Variants in PTPRD observed in about 807,000 individuals in gnomAD.
PTPRD encodes the protein receptor-type tyrosine-protein phosphatase delta.
Under a neutral mutation model 214.5 loss-of-function variants are expected in PTPRD, and 34 were observed. The observed-to-expected ratio is 0.16, with a 90% CI of 0.12 to 0.21. The LOEUF (loss-of-function observed/expected upper bound fraction) is 0.21. Ranked by LOEUF, PTPRD falls within the 10% of genes least tolerant of loss-of-function variation. PTPRD has a pLI of 1.00. For synonymous variants in PTPRD, 1,128 were observed against 845.7 expected (o/e 1.33, Z -5.79); for missense variants, 2,545 against 2,398.7 (o/e 1.06, Z -1.27).
chr9:8,936,467 TTCA>T (rs2098998743), intron 11 of PTPRD, among the ~76,000 whole-genome samples: 1 of 107,340 alleles, frequency 9.3e-6, no homozygotes, highest in Non-Finnish European at 2.1e-5. Flanking sequence ...GAAAAATAAC[TTCA>T]TCTAATTTTT....
chr9:9,946,491 G>C (rs372472019), intron 4 of PTPRD, among the ~76,000 whole-genome samples: 7 of 152,024 alleles, frequency 4.6e-5, no homozygotes, highest in African/African-American at 1.7e-4. Flanking sequence ...AAGAGTGCAG[G>C]GTTCAATAGC....
intron 9 of PTPRD, among the ~76,000 whole-genome samples, chr9:9,236,813 A>C (rs1003460577): frequency 1.3e-5 from 2 of 151,938 alleles, no homozygotes; most frequent in Non-Finnish European, 2.9e-5. Flanking sequence ...GCCAGAGAGA[A>C]ATGTGTGTTA....
chr9:10,410,513 G>C (rs1475039721), intron 2 of PTPRD, among the ~76,000 whole-genome samples: 1 of 151,110 alleles, frequency 6.6e-6, no homozygotes. Context: ...AACTGTTGAT[G>C]TAGTGAATGT....
intron 11 of PTPRD, among the ~76,000 whole-genome samples, chr9:8,920,174 C>G (rs546675103): frequency 2.0e-5 from 3 of 152,098 alleles, no homozygotes; most frequent in Admixed American, 2.0e-4. Flanking sequence ...ATTCCCATCT[C>G]TACTAACATA....
At chr9:10,481,896 T>A (rs1396568864) in intron 2 of PTPRD, among the ~76,000 whole-genome samples, 1 of 152,062 alleles carries the variant, frequency 6.6e-6, no homozygotes, top group Non-Finnish European at 1.5e-5. Flanking sequence ...ATACAGCAAT[T>A]GAAAATTAAG....
chr9:10,417,398 A>G (rs751662822), intron 2 of PTPRD, among the ~76,000 whole-genome samples: 2 of 151,862 alleles, frequency 1.3e-5, no homozygotes, highest in Non-Finnish European at 2.9e-5. Flanking sequence ...TCTCTGAAGA[A>G]TATCTTATCT....
At chr9:10,573,973 G>A (rs1031556889) in intron 2 of PTPRD, among the ~76,000 whole-genome samples, 2 of 152,104 alleles carry the variant, frequency 1.3e-5, no homozygotes, top group Non-Finnish European at 2.9e-5. Flanking sequence ...ACCCAGGACA[G>A]TGAAGCAGGA....
chr9:10,416,382 G>T (rs1412447152), intron 2 of PTPRD, among the ~76,000 whole-genome samples: 1 of 151,558 alleles, frequency 6.6e-6, no homozygotes, highest in Non-Finnish European at 1.5e-5. Context: ...AAACACAAAA[G>T]CAACAGACAA....
chr9:8,369,698 C>G (rs971708324), intron 39 of PTPRD, among the ~76,000 whole-genome samples: 2 of 151,750 alleles, frequency 1.3e-5, no homozygotes, highest in Non-Finnish European at 2.9e-5. Flanking sequence ...ATAAATGTTT[C>G]TCTTATGAAT....
At chr9:9,702,493 G>A (rs1663644944) in intron 7 of PTPRD, among the ~76,000 whole-genome samples, 1 of 152,178 alleles carries the variant, frequency 6.6e-6, no homozygotes, top group Admixed American at 6.5e-5. Context: ...GATCTTCCAA[G>A]AGAGTAATTG....
At chr9:10,094,206 T>C (rs1262728610) in intron 3 of PTPRD, among the ~76,000 whole-genome samples, 2 of 151,508 alleles carry the variant, frequency 1.3e-5, no homozygotes, top group Non-Finnish European at 3.0e-5. Flanking sequence ...ATTTATCCTA[T>C]TTATTTAAAA....
intron 44 of PTPRD, among the ~76,000 whole-genome samples, chr9:8,329,500 C>T (rs781176507): frequency 3.3e-5 from 5 of 152,070 alleles, no homozygotes; most frequent in Non-Finnish European, 7.4e-5. Context: ...GGTCAGGGAC[C>T]CACTTGAGGA....
chr9:10,342,748 A>G (rs917622140), intron 2 of PTPRD, among the ~76,000 whole-genome samples: 1 of 152,128 alleles, frequency 6.6e-6, no homozygotes, highest in African/African-American at 2.4e-5. Flanking sequence ...CAGAGACTAA[A>G]GCAAAGTAAG....
rs746218905 is a variant in PTPRD, at chr9:9,388,638, G to C, written c.-203+8811C>G. 3.9e-5 allele frequency among the ~76,000 whole-genome samples: 6 copies of C among 152,002 alleles called. 1 individual carries two copies. The highest frequency in any genetic ancestry group is 7.4e-5 in the Non-Finnish European group (5 of 67,946). ...CATATACAAGTTTATGAAGAAACAT[G>C]ACTAAAAAAACAGATTGTACCAGGA... On this transcript the variant is annotated intron_variant, in intron 9 of 45. Transcript: ENST00000381196.
intron 14 of PTPRD, among the ~76,000 whole-genome samples, chr9:8,535,844 TC>T (rs2076805667): frequency 6.6e-6 from 1 of 151,928 alleles, no homozygotes; most frequent in African/African-American, 2.4e-5. Flanking sequence ...CATTAATTGT[TC>T]AGCTCTGGAG....
chr9:10,557,358 G>A (rs1259499494), intron 2 of PTPRD, among the ~76,000 whole-genome samples: 1 of 152,082 alleles, frequency 6.6e-6, no homozygotes, highest in Non-Finnish European at 1.5e-5. Context: ...GTGAATACCT[G>A]TCTCCAACGC....
intron 5 of PTPRD, among the ~76,000 whole-genome samples, chr9:9,854,114 T>C (rs973977286): frequency 3.3e-5 from 5 of 152,202 alleles, no homozygotes; most frequent in Non-Finnish European, 7.3e-5. Flanking sequence ...CTAATTGTAG[T>C]CTTGTAACCA....
At chr9:8,552,947 C>T (rs1193701013) in intron 14 of PTPRD, among the ~76,000 whole-genome samples, 2 of 152,176 alleles carry the variant, frequency 1.3e-5, no homozygotes, top group African/African-American at 2.4e-5. Context: ...TAGCATGCCA[C>T]ATCCCAGACA....
At chr9:8,330,958 CAAAAACACTAAA>C (rs1839994883) in intron 44 of PTPRD, among the ~76,000 whole-genome samples, 1 of 151,242 alleles carries the variant, frequency 6.6e-6, no homozygotes. Context: ...TAGCAACTTC[CAAAAACACTAAA>C]TTTATGGTGA....
Sources: allele counts gnomAD v4.1 joint callset (sites outside exome capture counted in the v4.1 genomes callset), GRCh38; gene constraint gnomAD v4.1.1; transcripts MANE v1.5; gene names NCBI Gene and HGNC (gene_info 2026-07-23, HGNC 2026-07-21).